The following KIAA0825 variants were observed in gnomAD, a reference collection of about 807,000 sequenced individuals.
The protein encoded by KIAA0825 is KIAA0825.
KIAA0825 carries 119 observed loss-of-function variants against 147.6 expected under a neutral mutation model. The ratio of observed to expected loss-of-function variants is 0.81; its 90% confidence interval spans 0.69 to 0.94. The LOEUF (loss-of-function observed/expected upper bound fraction) is 0.94, where lower values mean the gene tolerates loss of function less well. Ranked by LOEUF, KIAA0825 falls within the 40% of genes least tolerant of loss-of-function variation. The pLI is 0.00. For missense variants in KIAA0825, 1,381 were observed against 1,472.7 expected (o/e 0.94, Z 1.02); for synonymous variants, 470 against 518.1 (o/e 0.91, Z 1.26).
At chr5:94,265,127 C>A (rs1319340999) in intron 20 of KIAA0825, among the ~76,000 whole-genome samples, 1 of 152,046 alleles carries the variant, frequency 6.6e-6, no homozygotes, top group African/African-American at 2.4e-5. Flanking sequence ...TATGAAATTG[C>A]CAATATTCAA....
intron 20 of KIAA0825, among the ~76,000 whole-genome samples, chr5:94,274,270 C>A (rs748773440): frequency 3.3e-5 from 5 of 152,066 alleles, no homozygotes; most frequent in Non-Finnish European, 7.4e-5. Flanking sequence ...TGAACTATCT[C>A]TTTCACCCTT....
intron 20 of KIAA0825, among the ~76,000 whole-genome samples, chr5:94,198,766 A>AAAC (rs1472447062): frequency 1.3e-5 from 2 of 152,140 alleles, no homozygotes; most frequent in African/African-American, 4.8e-5. Flanking sequence ...AACTTACAGT[A>AAAC]AACAACAACA....
At chr5:94,492,952 C>T (rs980373718) in intron 5 of KIAA0825, among the ~76,000 whole-genome samples, 2 of 152,190 alleles carry the variant, frequency 1.3e-5, no homozygotes, top group Non-Finnish European at 1.5e-5. Flanking sequence ...GTCAGTTCTT[C>T]AAAACACTGG....
intron 20 of KIAA0825, among the ~76,000 whole-genome samples, chr5:94,369,859 A>G (rs762726187): frequency 2.0e-5 from 3 of 152,146 alleles, no homozygotes; most frequent in Non-Finnish European, 2.9e-5. Context: ...CACAGGGAGC[A>G]TAAAACACAA....
At chr5:94,459,815 T>C (rs185394568) in intron 12 of KIAA0825, among the ~76,000 whole-genome samples, 48 of 152,276 alleles carry the variant, frequency 3.2e-4, no homozygotes, top group African/African-American at 1.1e-3. Context: ...AACATTCGGG[T>C]AAATATAGAT....
intron 2 of KIAA0825, among the ~76,000 whole-genome samples, chr5:94,554,095 T>C (rs1776075216): frequency 6.6e-6 from 1 of 152,190 alleles, no homozygotes; most frequent in Admixed American, 6.5e-5. Context: ...GGCAGCAAGA[T>C]ATTCTTCTAT....
intron 20 of KIAA0825, among the ~76,000 whole-genome samples, chr5:94,226,307 A>G (rs1313679851): frequency 6.6e-6 from 1 of 152,216 alleles, no homozygotes; most frequent in East Asian, 1.9e-4. Context: ...AATCAAAACC[A>G]CAATGAGATA....
At chr5:94,280,842 A>G (rs901833258) in intron 20 of KIAA0825, among the ~76,000 whole-genome samples, 2 of 152,262 alleles carry the variant, frequency 1.3e-5, no homozygotes, top group African/African-American at 4.8e-5. Context: ...GAGTTTGGAA[A>G]AAGAAGCCCA....
intron 20 of KIAA0825, among the ~76,000 whole-genome samples, chr5:94,383,765 C>T (rs911693608): frequency 1.3e-5 from 2 of 150,026 alleles, no homozygotes; most frequent in African/African-American, 4.9e-5. Flanking sequence ...ATCATATTAT[C>T]ATTTCATTGG....
intron 6 of KIAA0825, among the ~76,000 whole-genome samples, chr5:94,481,217 C>G (rs1241749577): frequency 6.6e-6 from 1 of 152,030 alleles, no homozygotes; most frequent in African/African-American, 2.4e-5. Flanking sequence ...CAGAGGGTCA[C>G]AAGAATGCCA....
chr5:94,316,387 C>CA lies in KIAA0825; in HGVS notation c.3710+67980dup, dbSNP rs541592436. Among the ~76,000 whole-genome samples the CA allele has an allele frequency of 3.7e-3, 528 of 141,990 alleles. 4 individuals are homozygous for CA. The highest frequency in any genetic ancestry group is 9.4e-3 in the African/African-American group (368 of 38,974). The allele number at this position is 141,990 out of a possible 152,430, so 93.2% of individuals were successfully genotyped here. On this transcript the variant is annotated intron_variant, in intron 20 of 20. Coordinates refer to ENST00000682413, the MANE Select transcript of KIAA0825 (RefSeq NM_001145678.3). ...TGAAGTATAATATTTTCTATAATAC[C>CA]AAAAAAAAAAACCTTATATGAAACA...
In KIAA0825 at chr5:94,349,935, G is replaced by C. The variant is rs138690710; in HGVS notation, c.3710+34433C>G. Among the ~76,000 whole-genome samples the C allele has an allele frequency of 9.7e-4, 147 of 152,172 alleles. 1 individual carries two copies. Among genetic ancestry groups the C allele is most frequent in the African/African-American group, 3.5e-3 (146 of 41,510 alleles). ...CAGAAAAAGGAAATAACCAAGATCA[G>C]AGCAGAACTAAATGAAACTGGAACA... On this transcript the variant is annotated intron_variant, in intron 20 of 20. Transcript: ENST00000682413.
At chr5:94,594,068 T>G (rs775640032) in intron 1 of KIAA0825, 4 of 531,316 alleles carry the variant, frequency 7.5e-6, no homozygotes, top group Non-Finnish European at 1.5e-5. Context: ...AATTTCTACT[T>G]AGGTATATTG....
intron 20 of KIAA0825, among the ~76,000 whole-genome samples, chr5:94,154,825 TCTTC>T (rs1392380167): frequency 2.6e-5 from 4 of 152,270 alleles, no homozygotes; most frequent in African/African-American, 9.6e-5. Flanking sequence ...CACACTTACT[TCTTC>T]CTTCCTATCC....
At chr5:94,304,312 G>GT (rs1238143962) in intron 20 of KIAA0825, among the ~76,000 whole-genome samples, 2 of 152,064 alleles carry the variant, frequency 1.3e-5, no homozygotes, top group Non-Finnish European at 2.9e-5. Flanking sequence ...AGGGATTGTT[G>GT]TAAGTGAAGG....
chr5:94,589,501 G>A (rs576047756), intron 1 of KIAA0825, among the ~76,000 whole-genome samples: 2 of 152,184 alleles, frequency 1.3e-5, no homozygotes, highest in African/African-American at 4.8e-5. Flanking sequence ...TATCAAAGTT[G>A]GGCAAATGTA....
rs180988409 is a variant in KIAA0825 at position 94,396,006 on chromosome 5, C to G, written c.3296+95G>C. On this transcript the variant is annotated intron_variant, in intron 17 of 20. Coordinates refer to ENST00000682413, the MANE Select transcript of KIAA0825 (RefSeq NM_001145678.3). ...CTGCCATGAATTTAGCAAAATACTA[C>G]TGCTGCCCATCTGACAATATATTGT... is the stretch of plus-strand genomic sequence containing the variant. The G allele has an allele frequency of 1.1e-4, 125 of 1,169,140 alleles. No individual in the cohort carries two copies. In the East Asian group the frequency reaches 3.4e-3, roughly 32 times the overall value. 72.4% of individuals were successfully genotyped at this position (1,169,140 alleles called of 1,614,324 possible).
At chr5:94,431,383 C>T (rs1755645941) in intron 14 of KIAA0825, among the ~76,000 whole-genome samples, 1 of 152,224 alleles carries the variant, frequency 6.6e-6, no homozygotes. Context: ...AAAGCATGTT[C>T]TATGCTGTCA....
rs1225239883 is a variant in KIAA0825 at position 94,465,049 on chromosome 5, C to T, written c.1883G>A (p.Cys628Tyr). Residue 628 changes from cysteine (C) to tyrosine (Y), a missense_variant, in exon 11 of 21, where the codon TGT becomes TAT. Physicochemically the swap from Cys to Tyr is radical, Grantham distance 194 (BLOSUM62 -2). Transcript: ENST00000682413. ...DYKAFYEGERCSFSIQMWHYF... is the reference protein window; with the variant it reads ...DYKAFYEGERYSFSIQMWHYF... ...ATGCCACATCTGGATCGAGAAGGAA[C>T]ATCTTTCCCCCTGGCAAAGCCAGCA... 1 of 1,551,286 alleles carries T rather than the reference C, an allele frequency of 6.4e-7. No individual in the cohort carries two copies. The highest frequency in any genetic ancestry group is 2.0e-5 in the Admixed American group (1 of 50,978).
Sources: allele counts gnomAD v4.1 joint callset (sites outside exome capture counted in the v4.1 genomes callset), GRCh38; gene constraint gnomAD v4.1.1; transcripts MANE v1.5; gene names NCBI Gene and HGNC (gene_info 2026-07-23, HGNC 2026-07-21).